The following GLYAT variants were observed in gnomAD, a reference collection of about 807,000 sequenced individuals.
The protein encoded by GLYAT is glycine-N-acyltransferase.
GLYAT carries 25 observed loss-of-function variants against 22.8 expected under a neutral mutation model. That is an observed-to-expected ratio of 1.09 (90% CI 0.80 to 1.53). The LOEUF is 1.53. Among genes scored for constraint, GLYAT ranks in the 40% most tolerant of loss-of-function variants. The pLI is 0.00. For missense variants in GLYAT, 411 were observed against 353.9 expected (o/e 1.16, Z -1.29); for synonymous variants, 140 against 122.7 (o/e 1.14, Z -0.93).
intron 1 of GLYAT, among the ~76,000 whole-genome samples, chr11:58,724,862 T>C (rs547864646): frequency 1.7e-4 from 26 of 152,258 alleles, no homozygotes; most frequent in African/African-American, 5.8e-4. Flanking sequence ...TTATTTAGTC[T>C]CTCTGTACCT....
intron 4 of GLYAT, 67 bp from the exon 5 acceptor site, chr11:58,710,828 G>A (rs1856606923): frequency 8.6e-6 from 8 of 935,066 alleles, no homozygotes; most frequent in Admixed American, 1.7e-5. Flanking sequence ...CTGCAGTGGA[G>A]TAAGAAGTGT....
intron 1 of GLYAT, among the ~76,000 whole-genome samples, chr11:58,725,925 G>A (rs932772586): frequency 5.3e-5 from 8 of 151,982 alleles, no homozygotes; most frequent in African/African-American, 1.9e-4. Context: ...CTAACTTAAG[G>A]CATTCTCCCT....
At chr11:58,726,268 G>A (rs1296660452) in intron 1 of GLYAT, among the ~76,000 whole-genome samples, 1 of 152,084 alleles carries the variant, frequency 6.6e-6, no homozygotes, top group Non-Finnish European at 1.5e-5. Context: ...CCCCCACCAT[G>A]AGTTCAAGAC....
chr11:58,717,770 T>A (rs879601339), intron 2 of GLYAT, among the ~76,000 whole-genome samples: 4 of 152,082 alleles, frequency 2.6e-5, no homozygotes, highest in Non-Finnish European at 4.4e-5. Flanking sequence ...TAGGACTGGT[T>A]TGCTTTATTA....
Position 58,720,000 on chromosome 11 carries a change from G to A in GLYAT, c.81+4416C>T, listed in dbSNP as rs75283388. Reference sequence around the variant, plus strand: ...TAAACAACCACTTATTTTAGTTTAGGATTAAATTTACCACACAAGATTCTG... The same window carrying A: ...TAAACAACCACTTATTTTAGTTTAGAATTAAATTTACCACACAAGATTCTG... On this transcript the variant is annotated intron_variant, in intron 2 of 5. Transcript: ENST00000344743. 3.2e-3 allele frequency among the ~76,000 whole-genome samples: 489 copies of A among 151,692 alleles called. 5 individuals are homozygous for A. Among genetic ancestry groups the A allele is most frequent in the African/African-American group, 0.011 (467 of 41,412 alleles).
At chr11:58,713,384 G>A (rs1202146974) in intron 3 of GLYAT, among the ~76,000 whole-genome samples, 1 of 152,058 alleles carries the variant, frequency 6.6e-6, no homozygotes, top group Non-Finnish European at 1.5e-5. Flanking sequence ...TAACCATTTA[G>A]AAAGCATTCT....
intron 2 of GLYAT, among the ~76,000 whole-genome samples, chr11:58,715,805 T>C (rs1856672662): frequency 6.6e-6 from 1 of 152,200 alleles, no homozygotes; most frequent in Non-Finnish European, 1.5e-5. Context: ...CATGGATGCA[T>C]CACAGTTAAT....
At chr11:58,726,980 A>T (rs1380807234) in intron 1 of GLYAT, among the ~76,000 whole-genome samples, 1 of 152,050 alleles carries the variant, frequency 6.6e-6, no homozygotes, top group Non-Finnish European at 1.5e-5. Flanking sequence ...CCCTCCCCTT[A>T]AGAAGTGCTG....
At chr11:58,720,785 C>T (rs1307516554) in intron 2 of GLYAT, among the ~76,000 whole-genome samples, 2 of 151,844 alleles carry the variant, frequency 1.3e-5, no homozygotes, top group Admixed American at 6.6e-5. Context: ...AACCTGTATG[C>T]CAAACATTGA....
chr11:58,712,456 A>C (rs1461453338), intron 4 of GLYAT, among the ~76,000 whole-genome samples: 3 of 152,190 alleles, frequency 2.0e-5, no homozygotes, highest in African/African-American at 7.2e-5. Context: ...CAGGAATAGA[A>C]GTCCAGAGGG....
At chr11:58,724,615 T>C in intron 1 of GLYAT, 104 bp from the exon 2 acceptor site, 1 of 458,534 alleles carries the variant, frequency 2.2e-6, no homozygotes, top group Non-Finnish European at 3.8e-6. Context: ...TTTTTTTTAG[T>C]GCCTTTCAAC....
chr11:58,712,700 T>C, intron 4 of GLYAT, 60 bp downstream of exon 4: 1 of 1,469,768 alleles, frequency 6.8e-7, no homozygotes, highest in Non-Finnish European at 9.5e-7. Context: ...GTATAAGTCA[T>C]ATGAAAACTT....
At chr11:58,722,330 G>C (rs1458759246) in intron 2 of GLYAT, among the ~76,000 whole-genome samples, 2 of 152,064 alleles carry the variant, frequency 1.3e-5, no homozygotes, top group Admixed American at 6.6e-5. Context: ...CCAAGGTTGA[G>C]GATGTGCCAC....
In GLYAT at chr11:58,709,739, A is replaced by C. The variant is rs757046226; in HGVS notation, c.*27T>G. The C allele has an allele frequency of 6.3e-7, 1 of 1,583,258 alleles. No individual in the cohort carries two copies. The highest frequency in any genetic ancestry group is 8.6e-7 in the Non-Finnish European group (1 of 1,163,050). ...TCAAATTATACGCCCAGACCTGCCC[A>C]ACACTGTCTTATGTTCAGGATTGGC... is the stretch of plus-strand genomic sequence containing the variant. On this transcript the variant is annotated 3_prime_UTR_variant, in exon 6 of 6. Transcript: ENST00000344743.
chr11:58,710,793 T>C (rs1286684082), intron 4 of GLYAT, 32 bp from the exon 5 acceptor site: 3 of 1,280,902 alleles, frequency 2.3e-6, no homozygotes, highest in South Asian at 1.2e-5. Context: ...GATGAAATGG[T>C]TTAGGTATAT....
At chr11:58,715,477 G>A in intron 2 of GLYAT, 54 bp from the exon 3 acceptor site, 1 of 809,156 alleles carries the variant, frequency 1.2e-6, no homozygotes. Context: ...AAACAGTAAA[G>A]TTTCTTGCTT....
intron 2 of GLYAT, among the ~76,000 whole-genome samples, chr11:58,720,940 TAA>T (rs1216270045): frequency 6.6e-6 from 1 of 152,082 alleles, no homozygotes; most frequent in African/African-American, 2.4e-5. Context: ...AGATTTTATT[TAA>T]GTTACATAAA....
chr11:58,712,906 G>A lies in GLYAT; in HGVS notation c.190-20C>T. 4 of 1,530,986 alleles carry A rather than the reference G, an allele frequency of 2.6e-6. No homozygotes were observed. The highest frequency in any genetic ancestry group is 3.6e-6 in the Non-Finnish European group (4 of 1,112,632). The allele number at this position is 1,530,986 out of a possible 1,614,324, so 94.8% of individuals were successfully genotyped here. ...CATATCCTGTTATCATTAGGAAAAA[G>A]GAAATAAAACACATCCTTATATTTT... On this transcript the variant is annotated intron_variant, in intron 3 of 5. Coordinates refer to ENST00000344743, the MANE Select transcript of GLYAT (RefSeq NM_201648.3).
At chr11:58,713,413 C>T (rs1018686612) in intron 3 of GLYAT, among the ~76,000 whole-genome samples, 4 of 152,072 alleles carry the variant, frequency 2.6e-5, no homozygotes, top group Non-Finnish European at 4.4e-5. Context: ...CCATCATCCT[C>T]AACAGGAAGA....
Sources: allele counts gnomAD v4.1 joint callset (sites outside exome capture counted in the v4.1 genomes callset), GRCh38; gene constraint gnomAD v4.1.1; transcripts MANE v1.5; gene names NCBI Gene and HGNC (gene_info 2026-07-23, HGNC 2026-07-21).